ADK: variants seen among roughly 807,000 people sequenced by gnomAD.
ADK encodes the protein N6,N6-dimethyladenosine kinase.
Under a neutral mutation model 44.7 loss-of-function variants are expected in ADK, and 24 were observed. The observed-to-expected ratio is 0.54, with a 90% confidence interval of 0.39 to 0.76. The LOEUF is 0.76. Among genes scored for constraint, ADK ranks in the 30% least tolerant of loss-of-function variants. The probability of loss-of-function intolerance (pLI) is 0.00; values close to 1 mark genes in which losing one functional copy is unlikely to be tolerated. For missense variants in ADK, 321 were observed against 425.1 expected (o/e 0.76, Z 2.15); for synonymous variants, 128 against 142.6 (o/e 0.90, Z 0.73).
chr10:74,507,983 T>C (rs530548957), intron 6 of ADK, among the ~76,000 whole-genome samples: 1 of 152,256 alleles, frequency 6.6e-6, no homozygotes, highest in African/African-American at 2.4e-5. Flanking sequence ...ACATTTCAGA[T>C]AGAAGGAAAA....
intron 3 of ADK, among the ~76,000 whole-genome samples, chr10:74,305,049 C>T (rs371097672): frequency 1.3e-5 from 2 of 152,068 alleles, no homozygotes; most frequent in African/African-American, 4.8e-5. Context: ...ATATGCATAT[C>T]CTCCCATGTA....
At chr10:74,288,120 G>A (rs1847261342) in intron 3 of ADK, among the ~76,000 whole-genome samples, 2 of 151,868 alleles carry the variant, frequency 1.3e-5, no homozygotes, top group South Asian at 2.1e-4. Flanking sequence ...AGAATTAGGA[G>A]ACATGAGTGT....
At chr10:74,586,756 A>AG (rs1217705966) in intron 7 of ADK, among the ~76,000 whole-genome samples, 1 of 151,902 alleles carries the variant, frequency 6.6e-6, no homozygotes, top group African/African-American at 2.4e-5. Flanking sequence ...CGGGAGGCTG[A>AG]GGCAGGAGAA....
chr10:74,309,736 C>A (rs183238542), intron 3 of ADK, among the ~76,000 whole-genome samples: 133 of 152,082 alleles, frequency 8.7e-4, no homozygotes, highest in African/African-American at 3.1e-3. Flanking sequence ...GGTCCTAGAC[C>A]TGTGTTTTAG....
At chr10:74,550,958 C>T (rs1850015099) in intron 7 of ADK, among the ~76,000 whole-genome samples, 1 of 152,138 alleles carries the variant, frequency 6.6e-6, no homozygotes, top group African/African-American at 2.4e-5. Context: ...CTGCTTCAGC[C>T]TCCCAAGTAG....
intron 10 of ADK, among the ~76,000 whole-genome samples, chr10:74,701,699 C>G (rs1589382039): frequency 6.6e-6 from 1 of 152,322 alleles, no homozygotes; most frequent in East Asian, 1.9e-4. Context: ...AATCCCAGCA[C>G]TTTGGGAGGC....
At chr10:74,360,673 C>G (rs1158671959) in intron 4 of ADK, among the ~76,000 whole-genome samples, 1 of 151,988 alleles carries the variant, frequency 6.6e-6, no homozygotes, top group African/African-American at 2.4e-5. Context: ...TGAATTGACC[C>G]CTTTATCATT....
chr10:74,213,047 A>G (rs1843878979), intron 2 of ADK, among the ~76,000 whole-genome samples: 1 of 152,222 alleles, frequency 6.6e-6, no homozygotes, highest in South Asian at 2.1e-4. Flanking sequence ...TATGATATCC[A>G]GGCAGGCATA....
At chr10:74,232,503 T>C (rs1056731293) in intron 3 of ADK, among the ~76,000 whole-genome samples, 1 of 140,700 alleles carries the variant, frequency 7.1e-6, no homozygotes, top group Non-Finnish European at 1.5e-5. Context: ...GCCTGGGCAA[T>C]AGAGTGAGAA....
intron 1 of ADK, among the ~76,000 whole-genome samples, chr10:74,200,044 T>C (rs557674220): frequency 6.6e-6 from 1 of 152,250 alleles, no homozygotes; most frequent in Admixed American, 6.5e-5. Context: ...GGTAATTATA[T>C]TTTAAGTTTT....
chr10:74,258,047 C>T (rs184872423), intron 3 of ADK, among the ~76,000 whole-genome samples: 1 of 152,250 alleles, frequency 6.6e-6, no homozygotes, highest in Non-Finnish European at 1.5e-5. Flanking sequence ...TCCTCACTTG[C>T]TTCCTTCTTA....
At chr10:74,159,015 AGATACATTCTGAT>A (rs1841825787) in intron 1 of ADK, among the ~76,000 whole-genome samples, 1 of 152,236 alleles carries the variant, frequency 6.6e-6, no homozygotes, top group African/African-American at 2.4e-5. Context: ...TGCTTGAAGA[AGATACATTCTGAT>A]GATTTATCAA....
At chr10:74,216,098 T>C (rs941535434) in intron 2 of ADK, among the ~76,000 whole-genome samples, 3 of 152,206 alleles carry the variant, frequency 2.0e-5, no homozygotes, top group Non-Finnish European at 2.9e-5. Flanking sequence ...ATTTCTGTTA[T>C]ACTTTTCACA....
intron 4 of ADK, among the ~76,000 whole-genome samples, chr10:74,382,223 T>C (rs1363558237): frequency 1.6e-4 from 25 of 152,136 alleles, no homozygotes; most frequent in Non-Finnish European, 2.9e-5. Flanking sequence ...CTCAGCCTCC[T>C]GAGTAGCTAG....
intron 7 of ADK, among the ~76,000 whole-genome samples, chr10:74,567,695 T>G (rs1259322241): frequency 1.1e-4 from 14 of 131,802 alleles, no homozygotes; most frequent in African/African-American, 1.9e-4. Context: ...TTTTTGTTTT[T>G]TTTGTTTTTT....
Position 74,552,442 on chromosome 10 carries a change from G to A in ADK, c.726+27016G>A, listed in dbSNP as rs113320234. ...TAAGGCAGTTCAAATAGTAGACTGA[G>A]GGTAGAAGAGGGATTGACTGTAAAT... On this transcript the variant is annotated intron_variant, in intron 7 of 10. Coordinates refer to ENST00000539909, the MANE Select transcript of ADK (RefSeq NM_006721.4). Among the ~76,000 whole-genome samples, 392 of 152,242 alleles carry A rather than the reference G, an allele frequency of 2.6e-3. 3 individuals are homozygous for A. The highest frequency in any genetic ancestry group is 9.0e-3 in the African/African-American group (376 of 41,556).
At chr10:74,271,760 G>C (rs1043606372) in intron 3 of ADK, among the ~76,000 whole-genome samples, 1 of 150,900 alleles carries the variant, frequency 6.6e-6, no homozygotes, top group Non-Finnish European at 1.5e-5. Context: ...TTTTATGGCT[G>C]CATAGTATAT....
At chr10:74,582,175 T>A (rs1851394191) in intron 7 of ADK, among the ~76,000 whole-genome samples, 1 of 151,994 alleles carries the variant, frequency 6.6e-6, no homozygotes, top group Non-Finnish European at 1.5e-5. Context: ...AATACAAAAA[T>A]TAGCTGAGCA....
intron 9 of ADK, among the ~76,000 whole-genome samples, chr10:74,623,094 G>T (rs1025252031): frequency 1.2e-4 from 19 of 152,152 alleles, no homozygotes; most frequent in Admixed American, 1.2e-3. Flanking sequence ...TTAACTCATT[G>T]GCTTACATCT....
Sources: gnomAD v4.1 joint callset for allele counts (sites outside exome capture counted in the v4.1 genomes callset) on GRCh38, gnomAD v4.1.1 for gene constraint, MANE v1.5 for transcripts, NCBI Gene and HGNC (gene_info 2026-07-23, HGNC 2026-07-21) for gene names.